Variants in MAN1A2 observed in about 807,000 individuals in gnomAD.
MAN1A2 encodes mannosyl-oligosaccharide 1,2-alpha-mannosidase IB.
Under a neutral mutation model 75.7 loss-of-function variants are expected in MAN1A2, and 26 were observed. The ratio of observed to expected loss-of-function variants is 0.34; its 90% confidence interval spans 0.25 to 0.48. The LOEUF is 0.48. MAN1A2 is among the 20% of genes least tolerant of loss of function. MAN1A2 has a pLI of 0.99. For synonymous variants in MAN1A2, 247 were observed against 264.6 expected (o/e 0.93, Z 0.65); for missense variants, 562 against 775.5 (o/e 0.72, Z 3.27).
intron 6 of MAN1A2, among the ~76,000 whole-genome samples, chr1:117,445,886 A>ATATATG (rs1326887908): frequency 7.0e-6 from 1 of 142,942 alleles, no homozygotes; most frequent in Non-Finnish European, 1.5e-5. Context: ...GTGTGTGTGT[A>ATATATG]TATATATATA....
In MAN1A2 at chr1:117,527,828, T is replaced by A. The variant is rs1049626133; in HGVS notation, c.*4871T>A. 2.6e-5 allele frequency: 4 copies of A among 152,044 alleles called. No individual in the cohort carries two copies. The highest frequency in any genetic ancestry group is 5.9e-5 in the Non-Finnish European group (4 of 67,962). The allele number at this position is 152,044 out of a possible 1,614,324, so 9.4% of individuals were successfully genotyped here. On this transcript the variant is annotated 3_prime_UTR_variant, in exon 13 of 13. Transcript: ENST00000356554. ...AGCAAGAATATGATAGAATGTCTGATCTTTGTGCTGCAGAAAGCAAACTTT... is the reference window on the plus strand; with the variant it reads ...AGCAAGAATATGATAGAATGTCTGAACTTTGTGCTGCAGAAAGCAAACTTT...
intron 1 of MAN1A2, among the ~76,000 whole-genome samples, chr1:117,380,675 T>G (rs80153060): frequency 0.14 from 21,482 of 152,172 alleles, 1,729 homozygotes; most frequent in South Asian, 0.22. Context: ...ATCAGTTGGC[T>G]ATAGATGTAT....
intron 5 of MAN1A2, among the ~76,000 whole-genome samples, chr1:117,423,027 C>T (rs1285501061): frequency 6.6e-6 from 1 of 152,146 alleles, no homozygotes; most frequent in East Asian, 1.9e-4. Context: ...TCTTCCAAAA[C>T]TATTATAGCT....
rs749981384 is a variant in MAN1A2 at position 117,496,962 on chromosome 1, A to G, written c.1484A>G (p.His495Arg). 1 of 1,611,626 alleles carries G rather than the reference A, an allele frequency of 6.2e-7. No individual in the cohort carries two copies. ...ELGAEIARTC[H>R]ESYDRTALKL... is the part of the protein sequence containing the mutation. The stretch of plus-strand genomic sequence containing the variant: ...GGGGCAGAAATTGCACGTACTTGTC[A>G]TGAGTCATATGACAGAACTGGTAAG... The change falls in exon 10 of 13, where the codon CAT (histidine) becomes CGT (arginine). Residue 495 changes from histidine (H) to arginine (R), a missense_variant. This residue lies in a region of MAN1A2 where 434 missense variants were observed against 645.7 expected (regional missense o/e 0.67). Transcript: ENST00000356554.
At chr1:117,390,081 G>A (rs1570703797) in intron 1 of MAN1A2, among the ~76,000 whole-genome samples, 1 of 152,092 alleles carries the variant, frequency 6.6e-6, no homozygotes, top group East Asian at 1.9e-4. Context: ...GTGTTTATGA[G>A]GGATATTAGT....
chr1:117,429,932 C>T (rs1334928521), intron 5 of MAN1A2, among the ~76,000 whole-genome samples: 4 of 65,498 alleles, frequency 6.1e-5, no homozygotes, highest in East Asian at 4.7e-4. Flanking sequence ...TAGGGGCGGC[C>T]GGGCAGAGGC....
intron 3 of MAN1A2, among the ~76,000 whole-genome samples, chr1:117,409,254 T>C (rs927179676): frequency 6.6e-6 from 1 of 152,152 alleles, no homozygotes; most frequent in Non-Finnish European, 1.5e-5. Context: ...AATGTGTTTA[T>C]TACTGTAAAC....
chr1:117,367,936 T>G lies in MAN1A2; in HGVS notation c.-248T>G. ...GAAGAGGAGGCTTGTAATAATCCGA[T>G]GAAGTACAGATGTTGAAGAGGATAT... is the stretch of plus-strand genomic sequence containing the variant. On this transcript the variant is annotated 5_prime_UTR_variant, in exon 1 of 13. The change abolishes an upstream ATG in the 5' untranslated region. Coordinates refer to ENST00000356554, the MANE Select transcript of MAN1A2 (RefSeq NM_006699.5). The G allele has an allele frequency of 2.2e-6, 1 of 460,316 alleles. No homozygotes were observed. Among genetic ancestry groups the G allele is most frequent in the Non-Finnish European group, 3.8e-6 (1 of 259,984 alleles). The allele number at this position is 460,316 out of a possible 1,614,324, so 28.5% of individuals were successfully genotyped here. A position where few individuals can be genotyped will look rare whatever the true frequency, so the allele number is the denominator to read the frequency against.
At chr1:117,483,572 T>C (rs1191419961) in intron 8 of MAN1A2, among the ~76,000 whole-genome samples, 1 of 152,114 alleles carries the variant, frequency 6.6e-6, no homozygotes, top group Non-Finnish European at 1.5e-5. Context: ...ATGCTTGTGG[T>C]TTTTGCACAT....
intron 1 of MAN1A2, among the ~76,000 whole-genome samples, chr1:117,369,891 T>C (rs1652899464): frequency 6.6e-6 from 1 of 152,236 alleles, no homozygotes; most frequent in East Asian, 1.9e-4. Context: ...GTGTTAAGGC[T>C]GTTTTTAGAG....
rs534579913 is a variant in MAN1A2, at chr1:117,464,810, T to TA, written c.1075-1516dup. ...CAAGTGGCTGGGGAGAAGCAAAGTC[T>TA]AAAAAAAACATTTATGTCTGGACTC... On this transcript the variant is annotated intron_variant, in intron 7 of 12. Transcript: ENST00000356554. Among the ~76,000 whole-genome samples, 14 of 151,996 alleles carry TA rather than the reference T, an allele frequency of 9.2e-5. No homozygotes were observed. The East Asian group carries it at 2.3e-3, about 25-fold the overall frequency.
At chr1:117,493,667 G>A (rs1385657250) in intron 9 of MAN1A2, 1 of 154,282 alleles carries the variant, frequency 6.5e-6, no homozygotes, top group Non-Finnish European at 1.4e-5. Flanking sequence ...TGTAGTCCCA[G>A]CTACTTGGGA....
chr1:117,434,324 A>G (rs1262949772), intron 5 of MAN1A2, among the ~76,000 whole-genome samples: 3 of 152,212 alleles, frequency 2.0e-5, no homozygotes, highest in Admixed American at 1.3e-4. Context: ...AAATGTACCT[A>G]TGTTGTATGT....
rs918532082 is a variant in MAN1A2 at position 117,526,229 on chromosome 1, A to T, written c.*3272A>T. On this transcript the variant is annotated 3_prime_UTR_variant, in exon 13 of 13. Coordinates refer to ENST00000356554, the MANE Select transcript of MAN1A2 (RefSeq NM_006699.5). ...GAGAATGTGTGAACGAACATTTATG[A>T]AGTATCTAACATGTGCCAAGCATTG... 2.6e-5 allele frequency: 4 copies of T among 151,856 alleles called. No homozygotes were observed. Among genetic ancestry groups the T allele is most frequent in the African/African-American group, 9.7e-5 (4 of 41,418 alleles). 9.4% of individuals were successfully genotyped at this position (151,856 alleles called of 1,614,324 possible). A position where few individuals can be genotyped will look rare whatever the true frequency, so the allele number is the denominator to read the frequency against.
intron 3 of MAN1A2, among the ~76,000 whole-genome samples, chr1:117,410,667 A>G (rs932887124): frequency 6.6e-6 from 1 of 151,654 alleles, no homozygotes; most frequent in Non-Finnish European, 1.5e-5. Context: ...AAGTAAAACT[A>G]TCTTTACATT....
chr1:117,482,306 A>G (rs1437114592), intron 8 of MAN1A2, among the ~76,000 whole-genome samples: 1 of 151,990 alleles, frequency 6.6e-6, no homozygotes, highest in Non-Finnish European at 1.5e-5. Context: ...GTCTTCCACA[A>G]TGGTTGAACT....
intron 3 of MAN1A2, among the ~76,000 whole-genome samples, chr1:117,412,400 A>C (rs1023859320): frequency 6.6e-6 from 1 of 151,624 alleles, no homozygotes. Flanking sequence ...AAACGAGGTT[A>C]ATGGTAGATT....
chr1:117,475,585 A>C lies in MAN1A2; in HGVS notation c.1168+9158A>C, dbSNP rs777699630. ...TGTGTCCATGTGTTCTCATTTTTCAACTCCCACTTAGGAGTGAGAACATGC... is the reference window on the plus strand; with the variant it reads ...TGTGTCCATGTGTTCTCATTTTTCACCTCCCACTTAGGAGTGAGAACATGC... On this transcript the variant is annotated intron_variant, in intron 8 of 12. Coordinates refer to ENST00000356554, the MANE Select transcript of MAN1A2 (RefSeq NM_006699.5). Among the ~76,000 whole-genome samples, 4 of 150,604 alleles carry C rather than the reference A, an allele frequency of 2.7e-5. No homozygotes were observed. The East Asian group carries it at 5.9e-4, about 22-fold the overall frequency.
intron 1 of MAN1A2, among the ~76,000 whole-genome samples, chr1:117,399,870 G>A (rs908914227): frequency 1.3e-5 from 2 of 151,978 alleles, no homozygotes; most frequent in Non-Finnish European, 2.9e-5. Flanking sequence ...TTTTCTCTCT[G>A]GTTGAAATAG....
Sources: gnomAD v4.1 joint callset for allele counts (sites outside exome capture counted in the v4.1 genomes callset) on GRCh38, gnomAD v4.1.1 for gene constraint, gnomAD v4.1.1 regional missense constraint, MANE v1.5 for transcripts, NCBI Gene and HGNC (gene_info 2026-07-23, HGNC 2026-07-21) for gene names.